The following ZNF563 variants were observed in gnomAD, a reference collection of about 807,000 sequenced individuals.
The protein encoded by ZNF563 is zinc finger protein 563.
ZNF563 carries 39 observed loss-of-function variants against 48.5 expected under a neutral mutation model. The observed-to-expected ratio is 0.80, with a 90% CI of 0.62 to 1.05. ZNF563 has a LOEUF of 1.05. Ranked by LOEUF, ZNF563 falls within the 50% of genes least tolerant of loss-of-function variation. The pLI, the probability that ZNF563 is intolerant of heterozygous loss-of-function variation, is 0.00. For missense variants in ZNF563, 538 were observed against 597.0 expected (o/e 0.90, Z 1.03); for synonymous variants, 168 against 187.9 (o/e 0.89, Z 0.87).
rs141838250 is a variant in ZNF563 at position 12,319,213 on chromosome 19, T to A, written c.812A>T (p.His271Leu). 6.1e-5 allele frequency: 98 copies of A among 1,614,080 alleles called. No individual in the cohort carries two copies. The highest frequency in any genetic ancestry group is 8.2e-5 in the Non-Finnish European group (97 of 1,180,046). The change falls in exon 4 of 4, where the codon CAT becomes CTT. Residue 271 changes from histidine (H) to leucine (L), a missense_variant. Physicochemically the swap from His to Leu is moderately conservative, Grantham distance 99 (BLOSUM62 -3). Transcript: ENST00000293725. ...ALPDSSSYIR[H>L]ERTHTGEKPY... ...TTTCTCTCCAGTGTGAGTTCTTTCA[T>A]GTCTTATATAGGAACTGGAATCAGG...
Position 12,322,627 on chromosome 19 carries a change from T to C in ZNF563, c.88A>G (p.Arg30Gly). Residue 30 changes from arginine (R) to glycine (G), a missense_variant, in exon 2 of 4, where the codon AGA (arginine) becomes GGA (glycine). Physicochemically the swap from Arg to Gly is moderately radical, Grantham distance 125. Transcript: ENST00000293725. ...CTGATGGTTTCTTGCATCACATATC[T>C]GTATAAATTCTTCTGTGATGGACCC... is the stretch of plus-strand genomic sequence containing the variant. ...LLGPSQKNLY[R>G]YVMQETIRNL... 6.2e-7 allele frequency: 1 copy of C among 1,609,008 alleles called. No homozygotes were observed. The highest frequency in any genetic ancestry group is 2.2e-5 in the East Asian group (1 of 44,618).
intron 1 of ZNF563, among the ~76,000 whole-genome samples, chr19:12,333,259 C>T (rs1013008628): frequency 2.0e-5 from 3 of 152,176 alleles, no homozygotes; most frequent in African/African-American, 7.2e-5. Flanking sequence ...AGGCCGGGAC[C>T]GCAGTTGCCG....
intron 1 of ZNF563, among the ~76,000 whole-genome samples, chr19:12,328,430 G>A (rs1006833888): frequency 8.5e-5 from 13 of 152,140 alleles, no homozygotes; most frequent in Middle Eastern, 3.2e-3. Context: ...TATGATCATG[G>A]CACTCCACAC....
intron 1 of ZNF563, among the ~76,000 whole-genome samples, chr19:12,324,005 A>C (rs1968703624): frequency 2.0e-5 from 3 of 152,264 alleles, no homozygotes; most frequent in Admixed American, 1.3e-4. Context: ...ACTCAATGTT[A>C]TCTCTTATGA....
At chr19:12,323,867 A>C (rs994206416) in intron 1 of ZNF563, among the ~76,000 whole-genome samples, 2 of 152,214 alleles carry the variant, frequency 1.3e-5, no homozygotes, top group African/African-American at 4.8e-5. Flanking sequence ...GACCAAATGT[A>C]GTTAAGCATG....
Position 12,319,767 on chromosome 19 carries a change from G to A in ZNF563, c.258C>T (p.Leu86=), listed in dbSNP as rs1968558693. The change falls in exon 4 of 4, where the codon CTC becomes CTT. Residue 86 remains leucine, a synonymous_variant. Transcript: ENST00000293725. ...DSSQCGETFS[L]IRDSIVNNSI... The stretch of plus-strand genomic sequence containing the variant: ...TGTTGTTCACAATACTATCTCGAAT[G>A]AGGCTAAATGTTTCTCCACACTGAC... 3 of 1,614,016 alleles carry A rather than the reference G, an allele frequency of 1.9e-6. No individual in the cohort carries two copies. The South Asian group carries it at 3.3e-5, about 18-fold the overall frequency.
chr19:12,341,808 G>T, the ZNF563 span, among the ~76,000 whole-genome samples: 1 of 152,118 alleles, frequency 6.6e-6, no homozygotes, highest in Non-Finnish European at 1.5e-5. Flanking sequence ...TAATCAGATA[G>T]AAGATCAATA....
At position 12,318,804 on chromosome 19, in the gene ZNF563, T is replaced by C; in HGVS notation, c.1221A>G (p.Val407=). The part of the protein sequence containing the change: ...ICGKAFVYPS[V]CQRHEKSHSG... ...TGTGAGACTTTTCGTGTCTTTGACA[T>C]ACACTAGGATAAACAAAAGCTTTCC... is the stretch of plus-strand genomic sequence containing the variant. The change falls in exon 4 of 4, where the codon GTA becomes GTG. Residue 407 remains valine, a synonymous_variant. Transcript: ENST00000293725. The C allele has an allele frequency of 6.2e-7, 1 of 1,614,194 alleles. No individual in the cohort carries two copies. Among genetic ancestry groups the C allele is most frequent in the Non-Finnish European group, 8.5e-7 (1 of 1,180,038 alleles).
chr19:12,339,273 CTTTTTTTTTTTTT>C, the ZNF563 span, among the ~76,000 whole-genome samples: 2 of 86,430 alleles, frequency 2.3e-5, no homozygotes, highest in Admixed American at 1.5e-4. Context: ...CAGTTGATTT[CTTTTTTTTTTTTT>C]TTTTTTTTTT....
chr19:12,333,725 C>T, upstream of ZNF563: 4 of 551,598 alleles, frequency 7.3e-6, no homozygotes, highest in Non-Finnish European at 1.3e-5. Context: ...TGACAGTTCT[C>T]ACGACCCCGC....
Position 12,318,409 on chromosome 19 carries a change from T to C in ZNF563, c.*185A>G. 2 of 711,852 alleles carry C rather than the reference T, an allele frequency of 2.8e-6. No individual in the cohort carries two copies. Among genetic ancestry groups the C allele is most frequent in the East Asian group, 5.6e-5 (2 of 35,888 alleles). The allele number at this position is 711,852 out of a possible 1,614,324, so 44.1% of individuals were successfully genotyped here. A position where few individuals can be genotyped will look rare whatever the true frequency, so the allele number is the denominator to read the frequency against. Reference sequence around the variant, plus strand: ...GACAATGGTGTTAAAAAAAAATCGATCACTTTCCCACATTCCTTATATCAT... The same window carrying C: ...GACAATGGTGTTAAAAAAAAATCGACCACTTTCCCACATTCCTTATATCAT... On this transcript the variant is annotated 3_prime_UTR_variant, in exon 4 of 4. Transcript: ENST00000293725.
chr19:12,342,779 TAAAAAA>T, the ZNF563 span, among the ~76,000 whole-genome samples: 19 of 96,392 alleles, frequency 2.0e-4, no homozygotes, highest in African/African-American at 5.9e-4. Context: ...TCTCAAAAAT[TAAAAAA>T]AAAAAAAAAG....
chr19:12,318,681 C>A lies in ZNF563; in HGVS notation c.1344G>T (p.Pro448=). The change falls in exon 4 of 4, where the codon CCG becomes CCT. Residue 448 remains proline (P), a synonymous_variant. Transcript: ENST00000293725. ...RHMVMHTGDG[P]NKCKVCGKAF... ...CTTTCCCACATACCTTGCATTTATT[C>A]GGCCCATCTCCCGTATGCATTACCA... 1 of 1,614,080 alleles carries A rather than the reference C, an allele frequency of 6.2e-7. No homozygotes were observed. Among genetic ancestry groups the A allele is most frequent in the Non-Finnish European group, 8.5e-7 (1 of 1,180,014 alleles).
upstream of ZNF563, among the ~76,000 whole-genome samples, chr19:12,338,406 C>T (rs1403816039): frequency 2.0e-5 from 3 of 152,158 alleles, no homozygotes; most frequent in Non-Finnish European, 4.4e-5. Context: ...TACCACCACA[C>T]CCAGTTAATT....
chr19:12,328,705 G>A (rs10408097), intron 1 of ZNF563, among the ~76,000 whole-genome samples: 31,600 of 152,018 alleles, frequency 0.21, 3,628 homozygotes, highest in African/African-American at 0.3. Flanking sequence ...GGAGGTGGAG[G>A]TTGCGGTGAG....
the ZNF563 span, among the ~76,000 whole-genome samples, chr19:12,341,262 G>C: frequency 6.6e-6 from 1 of 152,138 alleles, no homozygotes; most frequent in African/African-American, 2.4e-5. Context: ...ATGTTGCCCA[G>C]GCTGGTCTTA....
intron 1 of ZNF563, among the ~76,000 whole-genome samples, chr19:12,323,682 C>CA (rs1361151475): frequency 6.6e-6 from 1 of 152,156 alleles, no homozygotes; most frequent in Non-Finnish European, 1.5e-5. Flanking sequence ...TCTTAAGCAA[C>CA]AAAAAACAGA....
At chr19:12,324,604 C>A (rs531723062) in intron 1 of ZNF563, among the ~76,000 whole-genome samples, 2 of 151,734 alleles carry the variant, frequency 1.3e-5, no homozygotes, top group South Asian at 4.2e-4. Context: ...GTAGTCCCAG[C>A]TACTCAAGAG....
intron 1 of ZNF563, among the ~76,000 whole-genome samples, chr19:12,329,949 T>C (rs1417753313): frequency 1.3e-5 from 2 of 152,002 alleles, no homozygotes; most frequent in Non-Finnish European, 2.9e-5. Context: ...AGACGGAGTT[T>C]TGCTCTTGTT....
Sources: gnomAD v4.1 joint callset for allele counts (sites outside exome capture counted in the v4.1 genomes callset) on GRCh38, gnomAD v4.1.1 for gene constraint, MANE v1.5 for transcripts, NCBI Gene and HGNC (gene_info 2026-07-23, HGNC 2026-07-21) for gene names.